MAPK8: variants seen among roughly 807,000 people sequenced by gnomAD.
MAPK8 encodes the protein mitogen-activated protein kinase 8.
MAPK8 carries 13 observed loss-of-function variants against 52.9 expected under a neutral mutation model. The ratio of observed to expected loss-of-function variants is 0.25; its 90% CI spans 0.16 to 0.39. The LOEUF (loss-of-function observed/expected upper bound fraction) is 0.39, where lower values mean the gene tolerates loss of function less well. Among genes scored for constraint, MAPK8 ranks in the 10% least tolerant of loss-of-function variants. The pLI, the probability that MAPK8 is intolerant of heterozygous loss-of-function variation, is 1.00. For synonymous variants in MAPK8, 191 were observed against 169.8 expected (o/e 1.12, Z -0.97); for missense variants, 300 against 519.2 (o/e 0.58, Z 4.10).
intron 1 of MAPK8, among the ~76,000 whole-genome samples, chr10:48,335,753 C>A (rs916900945): frequency 1.3e-5 from 2 of 152,188 alleles, no homozygotes; most frequent in Non-Finnish European, 2.9e-5. Flanking sequence ...AGCAACAGTG[C>A]TTATGTATAC....
intron 1 of MAPK8, among the ~76,000 whole-genome samples, chr10:48,346,586 GA>G (rs1564511515): frequency 1.3e-5 from 2 of 152,276 alleles, no homozygotes; most frequent in Non-Finnish European, 2.9e-5. Flanking sequence ...GGAGTTTAGA[GA>G]AGACTTTGCT....
chr10:48,348,550 A>G (rs1846004839), intron 1 of MAPK8, among the ~76,000 whole-genome samples: 1 of 152,036 alleles, frequency 6.6e-6, no homozygotes, highest in African/African-American at 2.4e-5. Flanking sequence ...ATCCATCCTG[A>G]GTTAATTTTT....
chr10:48,333,624 T>C (rs1379085458), intron 1 of MAPK8, among the ~76,000 whole-genome samples: 1 of 149,942 alleles, frequency 6.7e-6, no homozygotes, highest in Non-Finnish European at 1.5e-5. Context: ...CCACTGCAAG[T>C]GATCAGGTTC....
At chr10:48,345,887 A>G (rs538203227) in intron 1 of MAPK8, among the ~76,000 whole-genome samples, 1 of 152,350 alleles carries the variant, frequency 6.6e-6, no homozygotes, top group African/African-American at 2.4e-5. Flanking sequence ...CTAGCAAGAC[A>G]GAAAATAACC....
chr10:48,360,898 G>A (rs1357502004), intron 1 of MAPK8, among the ~76,000 whole-genome samples: 1 of 152,102 alleles, frequency 6.6e-6, no homozygotes. Flanking sequence ...TTAAGGGATT[G>A]GTAATGGGTG....
intron 6 of MAPK8, among the ~76,000 whole-genome samples, chr10:48,421,994 C>CATTTT (rs1193464933): frequency 4.2e-5 from 6 of 141,424 alleles, no homozygotes; most frequent in African/African-American, 1.6e-4. Context: ...ACCTCACACT[C>CATTTT]ATTTTATTTA....
At chr10:48,392,051 T>TG (rs1175019343) in intron 1 of MAPK8, among the ~76,000 whole-genome samples, 1 of 152,100 alleles carries the variant, frequency 6.6e-6, no homozygotes, top group Non-Finnish European at 1.5e-5. Context: ...GGAGATTTAT[T>TG]GGATAGGCAT....
At chr10:48,416,797 T>C (rs112243704) in intron 5 of MAPK8, among the ~76,000 whole-genome samples, 7 of 152,356 alleles carry the variant, frequency 4.6e-5, no homozygotes, top group African/African-American at 1.7e-4. Flanking sequence ...TCCTCCTGAC[T>C]GATCTCTGTG....
At chr10:48,410,414 T>G (rs1484480887) in intron 5 of MAPK8, 3 of 337,976 alleles carry the variant, frequency 8.9e-6, no homozygotes, top group Non-Finnish European at 1.6e-5. Context: ...GCCTTTATGT[T>G]TCCATTTATA....
chr10:48,425,410 T>C, intron 7 of MAPK8: 1 of 449,720 alleles, frequency 2.2e-6, no homozygotes, highest in Non-Finnish European at 3.9e-6. Context: ...TCGAAGCCTT[T>C]ATTTTTATTA....
intron 1 of MAPK8, among the ~76,000 whole-genome samples, chr10:48,330,658 G>A (rs1179949437): frequency 6.6e-6 from 1 of 152,148 alleles, no homozygotes; most frequent in Non-Finnish European, 1.5e-5. Context: ...GCACACCCGG[G>A]GCAGGTACAG....
intron 1 of MAPK8, among the ~76,000 whole-genome samples, chr10:48,397,921 GGT>G (rs2041970424): frequency 6.6e-6 from 1 of 152,102 alleles, no homozygotes; most frequent in South Asian, 2.1e-4. Flanking sequence ...TTGTAGTGGA[GGT>G]TATACTAATA....
At position 48,324,956 on chromosome 10, in the gene MAPK8, T is replaced by TTTTTTTTTTTTTG. The variant is rs1554810527; in HGVS notation, c.-50+18141_-50+18142insTTTTTTGTTTTTT. Among the ~76,000 whole-genome samples the TTTTTTTTTTTTTG allele has an allele frequency of 7.6e-3, 1,152 of 151,138 alleles. 11 individuals are homozygous for TTTTTTTTTTTTTG. Among genetic ancestry groups the TTTTTTTTTTTTTG allele is most frequent in the African/African-American group, 0.027 (1,103 of 41,058 alleles). Reference sequence around the variant, plus strand: ...ATTTCATTTGGGCTTGCAAATGGTGTTTTTTTGTTTTTCTAACCCTATCAT... The same window carrying TTTTTTTTTTTTTG: ...ATTTCATTTGGGCTTGCAAATGGTGTTTTTTTTTTTTTGTTTTTTGTTTTTCTAACCCTATCAT... On this transcript the variant is annotated intron_variant, in intron 1 of 11. Transcript: ENST00000374189.
Position 48,435,219 on chromosome 10 carries a change from C to T in MAPK8, c.*190C>T, listed in dbSNP as rs184169437. On this transcript the variant is annotated 3_prime_UTR_variant, in exon 12 of 12. Transcript: ENST00000374189. ...TTAAAACCTAAGTTGTGTTTCAAAACAGCAACAAAACTGTATTGTATTTTT... is the reference window on the plus strand; with the variant it reads ...TTAAAACCTAAGTTGTGTTTCAAAATAGCAACAAAACTGTATTGTATTTTT... 4.3e-6 allele frequency: 2 copies of T among 465,176 alleles called. No homozygotes were observed. The highest frequency in any genetic ancestry group is 4.0e-5 in the Admixed American group (1 of 25,142). The allele number at this position is 465,176 out of a possible 1,614,324, so 28.8% of individuals were successfully genotyped here. A position where few individuals can be genotyped will look rare whatever the true frequency, so the allele number is the denominator to read the frequency against.
Position 48,424,581 on chromosome 10 carries a change from A to G in MAPK8, c.688+422A>G, listed in dbSNP as rs768508768. ...AAGGTGGTGTTTTGTTCCCAGGTACAGATCGTATCCTTATCTTTGGCCTAA... is the reference window on the plus strand; with the variant it reads ...AAGGTGGTGTTTTGTTCCCAGGTACGGATCGTATCCTTATCTTTGGCCTAA... On this transcript the variant is annotated intron_variant, in intron 7 of 11. Coordinates refer to ENST00000374189, the MANE Select transcript of MAPK8 (RefSeq NM_001323329.2). 8 of 1,588,840 alleles carry G rather than the reference A, an allele frequency of 5.0e-6. No individual in the cohort carries two copies. The East Asian group carries it at 1.4e-4, about 27-fold the overall frequency.
chr10:48,356,395 T>C (rs886684008), intron 1 of MAPK8, among the ~76,000 whole-genome samples: 2 of 152,050 alleles, frequency 1.3e-5, no homozygotes, highest in African/African-American at 4.8e-5. Context: ...AGGGAAAATA[T>C]GAAATCCAAA....
chr10:48,388,195 C>G (rs192789612), intron 1 of MAPK8, among the ~76,000 whole-genome samples: 65 of 152,298 alleles, frequency 4.3e-4, no homozygotes, highest in African/African-American at 1.4e-3. Context: ...TTAATTCTTA[C>G]TAATCGTGTA....
intron 3 of MAPK8, among the ~76,000 whole-genome samples, chr10:48,409,147 G>A (rs1164872926): frequency 2.0e-5 from 3 of 152,120 alleles, no homozygotes; most frequent in African/African-American, 7.2e-5. Context: ...ATTACAGCAT[G>A]AACAGTCTAG....
At chr10:48,324,683 AG>A (rs1415913106) in intron 1 of MAPK8, among the ~76,000 whole-genome samples, 8 of 50,922 alleles carry the variant, frequency 1.6e-4, no homozygotes, top group Non-Finnish European at 2.2e-4. Context: ...GATTATATTT[AG>A]TTTTTTTTTG....
Sources: gnomAD v4.1 joint callset for allele counts (sites outside exome capture counted in the v4.1 genomes callset) on GRCh38, gnomAD v4.1.1 for gene constraint, MANE v1.5 for transcripts, NCBI Gene and HGNC (gene_info 2026-07-23, HGNC 2026-07-21) for gene names.